Variants in KDM5C observed in about 807,000 individuals in gnomAD.
The protein encoded by KDM5C is lysine demethylase 5C.
A neutral mutation model predicts 110.6 loss-of-function variants in KDM5C; 16 were observed. That is an observed-to-expected ratio of 0.14 (90% CI 0.10 to 0.22). KDM5C has a LOEUF of 0.22. KDM5C is among the 10% of genes least tolerant of loss of function. The pLI is 1.00. For missense variants in KDM5C, 681 were observed against 1,300.9 expected (o/e 0.52, Z 7.33); for synonymous variants, 511 against 520.4 (o/e 0.98, Z 0.24).
rs1207362631 is a variant in KDM5C, at chrX:53,215,489, T to C, written c.963+306A>G. Among the ~76,000 whole-genome samples the C allele has an allele frequency of 3.6e-5, 4 of 111,822 alleles. No individual in the cohort carries two copies. The East Asian group carries it at 1.1e-3, about 31-fold the overall frequency. ...GGTGGGCAGTGCTGGGGGATGAGGC[T>C]AGAGGTCAGCAGGGACTGGATCATG... On this transcript the variant is annotated intron_variant, in intron 7 of 25. Coordinates refer to ENST00000375401, the MANE Select transcript of KDM5C (RefSeq NM_004187.5).
intron 1 of KDM5C, among the ~76,000 whole-genome samples, chrX:53,222,201 A>G (rs1237949426): frequency 9.2e-6 from 1 of 109,109 alleles, no homozygotes; most frequent in Non-Finnish European, 1.9e-5. Context: ...GGCGGGGGGG[A>G]GAGACAGTGA....
At chrX:53,202,853 T>C in intron 12 of KDM5C, 2 of 109,189 alleles carry the variant, frequency 1.8e-5, no homozygotes, top group Admixed American at 1.9e-4. Context: ...AGTCTCGCTC[T>C]GCCGCCCAGG....
chrX:53,190,897 G>A (rs1287531170), downstream of KDM5C, among the ~76,000 whole-genome samples: 1 of 111,909 alleles, frequency 8.9e-6, no homozygotes, highest in Non-Finnish European at 1.9e-5. Context: ...CTGGGCTAGG[G>A]ATCAGGACCC....
At chrX:53,186,597 T>C (rs1418441009), downstream of KDM5C, among the ~76,000 whole-genome samples, 3 of 112,740 alleles carry the variant, frequency 2.7e-5, no homozygotes, top group African/African-American at 9.7e-5. Flanking sequence ...CACCCACACC[T>C]GAAGCCTCAT....
chrX:53,214,695 G>A lies in KDM5C; in HGVS notation c.1116C>T (p.Val372=), dbSNP rs782183128. 8.3e-7 allele frequency: 1 copy of A among 1,208,692 alleles called. No homozygotes were observed. The highest frequency in any genetic ancestry group is 2.2e-5 in the Admixed American group (1 of 45,715). Residue 372 remains valine (V), a synonymous_variant, in exon 8 of 26, where the codon GTC becomes GTT. Transcript: ENST00000375401. ...PKGVWRCPKC[V]MAECKRPPEA... is the part of the protein sequence containing the mutation. ...TGGAGTGGGGAGGCCTTACCGCCATGACACACTTTGGGCACCGCCAGACAC... is the reference window on the plus strand; with the variant it reads ...TGGAGTGGGGAGGCCTTACCGCCATAACACACTTTGGGCACCGCCAGACAC...
chrX:53,196,427 C>T (rs1248213818), intron 19 of KDM5C, among the ~76,000 whole-genome samples: 5 of 112,854 alleles, frequency 4.4e-5, no homozygotes, highest in East Asian at 2.8e-4. Context: ...TCTGGGTATG[C>T]GCACATTAGC....
At chrX:53,190,801 A>G (rs974428199), downstream of KDM5C, among the ~76,000 whole-genome samples, 6 of 111,420 alleles carry the variant, frequency 5.4e-5, 1 homozygote, top group Non-Finnish European at 7.5e-5. Flanking sequence ...CTAGGTTCCT[A>G]TCAGCTGCAA....
intron 12 of KDM5C, among the ~76,000 whole-genome samples, chrX:53,203,130 A>G (rs1384805968): frequency 9.0e-6 from 1 of 111,731 alleles, no homozygotes; most frequent in Non-Finnish European, 1.9e-5. Flanking sequence ...AAAAACTCCC[A>G]TAGTTGTTGA....
chrX:53,219,666 T>C (rs1394385171), intron 2 of KDM5C, among the ~76,000 whole-genome samples: 1 of 112,499 alleles, frequency 8.9e-6, no homozygotes, highest in Admixed American at 9.4e-5. Context: ...TCTTTCCATT[T>C]CATAGTTGAG....
chrX:53,223,162 C>T (rs782564994), intron 1 of KDM5C, among the ~76,000 whole-genome samples: 1 of 111,823 alleles, frequency 8.9e-6, no homozygotes, highest in East Asian at 2.8e-4. Flanking sequence ...GCCAGCCTGC[C>T]TAAGTCAGTC....
At chrX:53,215,266 T>C (rs1472388564) in intron 7 of KDM5C, 5 of 339,066 alleles carry the variant, frequency 1.5e-5, no homozygotes, top group African/African-American at 2.6e-5. Context: ...AAGGACTTCA[T>C]TGAAAAGGTA....
chrX:53,186,492 G>A (rs1308187395), downstream of KDM5C, among the ~76,000 whole-genome samples: 6 of 111,937 alleles, frequency 5.4e-5, no homozygotes, highest in South Asian at 3.7e-4. Flanking sequence ...CTCCACCACC[G>A]AATAGAATAG....
chrX:53,217,698 C>T (rs1211786879), intron 4 of KDM5C, 98 bp downstream of exon 4: 1 of 934,795 alleles, frequency 1.1e-6, no homozygotes, highest in Non-Finnish European at 1.5e-6. Flanking sequence ...AGTCCAACTC[C>T]CAGGTCTCCA....
chrX:53,217,598 C>T (rs1230910725), intron 4 of KDM5C, among the ~76,000 whole-genome samples, 198 bp downstream of exon 4: 3 of 112,149 alleles, frequency 2.7e-5, no homozygotes, highest in Non-Finnish European at 3.8e-5. Flanking sequence ...AACTTTGTCA[C>T]ATAACAAATA....
intron 12 of KDM5C, among the ~76,000 whole-genome samples, chrX:53,205,068 G>T (rs35608642): frequency 0.064 from 7,195 of 111,571 alleles, 226 homozygotes; most frequent in Middle Eastern, 0.23. Flanking sequence ...TAATTTTTGT[G>T]GAGTTTCAGT....
At chrX:53,215,406 T>C (rs1470489571) in intron 7 of KDM5C, among the ~76,000 whole-genome samples, 2 of 112,246 alleles carry the variant, frequency 1.8e-5, no homozygotes, top group Non-Finnish European at 3.8e-5. Flanking sequence ...TACTGCATCT[T>C]ACGGGGAAAA....
intron 12 of KDM5C, among the ~76,000 whole-genome samples, chrX:53,205,197 G>A (rs1190763219): frequency 6.3e-5 from 7 of 111,694 alleles, no homozygotes; most frequent in Non-Finnish European, 9.4e-5. Flanking sequence ...GTACAGTGCC[G>A]GTAAGGGAAT....
In KDM5C at chrX:53,193,083, G is replaced by T. The variant is rs1934540780; in HGVS notation, c.4567C>A (p.Gln1523Lys). ...TTGSPSTQEN[Q>K]NGLEPAEGTT... ...CCTTCCGCCGGTTCCAAGCCATTCT[G>T]GTTCTCCTGGGTGCTGGGGCTGCCA... Residue 1523 changes from glutamine to lysine, a missense_variant, in exon 26 of 26, where the codon CAG (glutamine) becomes AAG (lysine). Around this residue, in one of 14 missense-constraint regions of KDM5C, gnomAD observed 115 missense variants for 120.9 expected, o/e 0.95. Coordinates refer to ENST00000375401, the MANE Select transcript of KDM5C (RefSeq NM_004187.5). 2 of 1,206,977 alleles carry T rather than the reference G, an allele frequency of 1.7e-6. No homozygotes were observed. Among genetic ancestry groups the T allele is most frequent in the Non-Finnish European group, 2.2e-6 (2 of 893,880 alleles).
chrX:53,185,187 T>C (rs1163389640), intron 25 of KDM5C, among the ~76,000 whole-genome samples: 1 of 112,220 alleles, frequency 8.9e-6, no homozygotes, highest in Non-Finnish European at 1.9e-5. Flanking sequence ...CATTTGTCAG[T>C]GTCCCTTACA....
Sources: allele counts gnomAD v4.1 joint callset (sites outside exome capture counted in the v4.1 genomes callset), GRCh38; gene constraint gnomAD v4.1.1; regional missense constraint gnomAD v4.1.1; transcripts MANE v1.5; gene names NCBI Gene and HGNC (gene_info 2026-07-23, HGNC 2026-07-21).